The following NAV3 variants were observed in gnomAD, a reference collection of about 807,000 sequenced individuals.
The protein encoded by NAV3 is neuron navigator 3, also known as pore membrane and/or filament interacting like protein 1.
Under a neutral mutation model 244.7 loss-of-function variants are expected in NAV3, and 87 were observed. The observed-to-expected ratio is 0.36, with a 90% CI of 0.30 to 0.42. NAV3 has a LOEUF of 0.42. NAV3 is among the 20% of genes least tolerant of loss of function. The pLI, the probability that NAV3 is intolerant of heterozygous loss-of-function variation, is 1.00. For missense variants in NAV3, 2,663 were observed against 2,893.3 expected (o/e 0.92, Z 1.83); for synonymous variants, 1,126 against 1,042.2 (o/e 1.08, Z -1.55).
chr12:77,918,130 A>G (rs1367146298), intron 1 of NAV3, among the ~76,000 whole-genome samples: 1 of 152,052 alleles, frequency 6.6e-6, no homozygotes, highest in Non-Finnish European at 1.5e-5. Flanking sequence ...CTTTCCTTCC[A>G]TATGGAATGG....
chr12:78,154,331 T>TATACTAA (rs1957214136), intron 22 of NAV3, among the ~76,000 whole-genome samples: 2 of 116,564 alleles, frequency 1.7e-5, no homozygotes, highest in African/African-American at 3.0e-5. Context: ...ATAGTATATA[T>TATACTAA]TATATAGTAA....
rs535316631 is a variant in NAV3, at chr12:78,164,430, C to G, written c.4870-4325C>G. Among the ~76,000 whole-genome samples, 6 of 152,080 alleles carry G rather than the reference C, an allele frequency of 3.9e-5. No homozygotes were observed. The East Asian group carries it at 9.7e-4, about 25-fold the overall frequency. On this transcript the variant is annotated intron_variant, in intron 23 of 39. Coordinates refer to ENST00000397909, the MANE Select transcript of NAV3 (RefSeq NM_001024383.2). ...ACCTTCAAAATAAGGGAATTTGAAACCAAATCTTTGAAAATAGATAATGCT... is the reference window on the plus strand; with the variant it reads ...ACCTTCAAAATAAGGGAATTTGAAAGCAAATCTTTGAAAATAGATAATGCT...
At chr12:78,116,979 G>T (rs1955414699) in intron 13 of NAV3, 75 bp downstream of exon 13, 1 of 1,510,386 alleles carries the variant, frequency 6.6e-7, no homozygotes, top group Non-Finnish European at 9.1e-7. Flanking sequence ...TTAGATTAAG[G>T]TATAGCACAA....
chr12:77,632,851 G>A (rs926819301), intron 2 of NAV3, among the ~76,000 whole-genome samples: 10 of 152,160 alleles, frequency 6.6e-5, no homozygotes, highest in Admixed American at 6.5e-4. Flanking sequence ...TTATATAGTG[G>A]ATGTGGCAAA....
chr12:77,579,938 A>T (rs576869458), intron 2 of NAV3, among the ~76,000 whole-genome samples: 1 of 152,308 alleles, frequency 6.6e-6, no homozygotes, highest in South Asian at 2.1e-4. Flanking sequence ...CAGTTGAAAC[A>T]GTGCTTCACA....
chr12:78,128,803 C>T lies in NAV3; in HGVS notation c.4378C>T (p.Pro1460Ser), dbSNP rs763896573. 3.7e-6 allele frequency: 6 copies of T among 1,614,040 alleles called. No homozygotes were observed. The highest frequency in any genetic ancestry group is 3.4e-6 in the Non-Finnish European group (4 of 1,179,934). The change falls in exon 18 of 40, where the codon CCT (proline) becomes TCT (serine). Residue 1460 changes from proline (P) to serine (S), a missense_variant. Physicochemically the swap from Pro to Ser is moderately conservative, Grantham distance 74. Transcript: ENST00000397909. ...GGLQDTGNQS[P>S]LVSPSAMSSS... ...GCTTCAGGACACTGGCAACCAGTCA[C>T]CTCTGGTTTCCCCTTCTGCCATGTC...
chr12:77,854,483 A>G (rs1250102121), intron 1 of NAV3, among the ~76,000 whole-genome samples: 1 of 152,204 alleles, frequency 6.6e-6, no homozygotes, highest in Non-Finnish European at 1.5e-5. Flanking sequence ...TTCCGAGAAC[A>G]TTTTATGATA....
intron 9 of NAV3, among the ~76,000 whole-genome samples, chr12:78,048,739 G>A (rs1882262487): frequency 6.6e-6 from 1 of 152,226 alleles, no homozygotes; most frequent in South Asian, 2.1e-4. Context: ...AGCGGAGCTA[G>A]AACACTGTGC....
chr12:77,579,535 C>G (rs1869249767), intron 2 of NAV3, among the ~76,000 whole-genome samples: 2 of 152,194 alleles, frequency 1.3e-5, no homozygotes, highest in Admixed American at 6.5e-5. Context: ...TGAAATCACT[C>G]TTTTACAGCA....
intron 9 of NAV3, among the ~76,000 whole-genome samples, chr12:78,040,896 C>T (rs1880741333): frequency 6.6e-6 from 1 of 152,168 alleles, no homozygotes; most frequent in Non-Finnish European, 1.5e-5. Context: ...TAAATTTCTT[C>T]TTTGTATGTC....
intron 2 of NAV3, among the ~76,000 whole-genome samples, chr12:77,671,789 T>A (rs536869804): frequency 1.3e-5 from 2 of 152,074 alleles, no homozygotes; most frequent in African/African-American, 4.8e-5. Flanking sequence ...ATCTAAGGCA[T>A]GAAATCATAA....
At chr12:77,616,199 G>A (rs1657405956) in intron 2 of NAV3, among the ~76,000 whole-genome samples, 1 of 152,060 alleles carries the variant, frequency 6.6e-6, no homozygotes, top group Non-Finnish European at 1.5e-5. Flanking sequence ...CTGAGGTCAG[G>A]AGTTCGAGAC....
intron 14 of NAV3, among the ~76,000 whole-genome samples, chr12:78,119,004 C>T (rs1413782341): frequency 6.6e-6 from 1 of 152,136 alleles, no homozygotes; most frequent in Admixed American, 6.5e-5. Context: ...TAACAAATAG[C>T]AAAACATATG....
intron 2 of NAV3, among the ~76,000 whole-genome samples, chr12:77,573,315 A>C (rs1448052647): frequency 2.0e-5 from 3 of 152,178 alleles, no homozygotes; most frequent in Non-Finnish European, 4.4e-5. Flanking sequence ...TGTTTTGCCA[A>C]TATAATTAAT....
chr12:77,919,285 A>G (rs527582061), intron 1 of NAV3, among the ~76,000 whole-genome samples: 5 of 152,070 alleles, frequency 3.3e-5, no homozygotes, highest in Non-Finnish European at 7.4e-5. Flanking sequence ...AAATCTTGAC[A>G]TGGTATCCAC....
chr12:77,600,345 G>T (rs1370750777), intron 2 of NAV3, among the ~76,000 whole-genome samples: 1 of 151,866 alleles, frequency 6.6e-6, no homozygotes, highest in Non-Finnish European at 1.5e-5. Context: ...ACTGGCCCAG[G>T]ACATCTCAAC....
intron 9 of NAV3, among the ~76,000 whole-genome samples, chr12:78,043,746 C>T (rs943027757): frequency 2.6e-5 from 4 of 152,192 alleles, no homozygotes; most frequent in African/African-American, 9.7e-5. Context: ...TGAGAGGTGT[C>T]TGTTCATATA....
intron 2 of NAV3, among the ~76,000 whole-genome samples, chr12:77,805,874 T>C (rs959113810): frequency 6.6e-6 from 1 of 152,216 alleles, no homozygotes; most frequent in Non-Finnish European, 1.5e-5. Context: ...GGGATTTGAC[T>C]TCTTCCTGGT....
intron 20 of NAV3, among the ~76,000 whole-genome samples, chr12:78,141,473 A>G (rs947248460): frequency 6.6e-6 from 1 of 152,176 alleles, no homozygotes; most frequent in Non-Finnish European, 1.5e-5. Context: ...AAGAGTTCAT[A>G]GCCTCTGCTG....
Sources: allele counts gnomAD v4.1 joint callset (sites outside exome capture counted in the v4.1 genomes callset), GRCh38; gene constraint gnomAD v4.1.1; transcripts MANE v1.5; gene names NCBI Gene and HGNC (gene_info 2026-07-23, HGNC 2026-07-21).